The following ATP11C variants were observed in gnomAD, a reference collection of about 807,000 sequenced individuals.
The protein encoded by ATP11C is phospholipid-transporting ATPase IG.
ATP11C carries 36 observed loss-of-function variants against 97.4 expected under a neutral mutation model. That is an observed-to-expected ratio of 0.37 (90% CI 0.28 to 0.49). The LOEUF (loss-of-function observed/expected upper bound fraction) is 0.49. Ranked by LOEUF, ATP11C falls within the 20% of genes least tolerant of loss-of-function variation. The pLI is 0.98. For missense variants in ATP11C, 730 were observed against 824.6 expected (o/e 0.89, Z 1.40); for synonymous variants, 275 against 290.9 (o/e 0.95, Z 0.56).
rs138300688 is a variant in ATP11C at position 139,814,899 on chromosome X, T to C, written c.405A>G (p.Arg135=). 1.4e-3 allele frequency: 1,669 copies of C among 1,176,000 alleles called. 2 individuals are homozygous for C. The highest frequency in any genetic ancestry group is 1.8e-3 in the Non-Finnish European group (1,560 of 878,934). ...VYIIENAKRV[R]KESEKIKVGD... Reference sequence around the variant, plus strand: ...ATACCTTGATTTTTTCACTTTCTTTTCTCACTCGCTTTGCATTTTCAATAA... The same window carrying C: ...ATACCTTGATTTTTTCACTTTCTTTCCTCACTCGCTTTGCATTTTCAATAA... Residue 135 remains arginine (R), a synonymous_variant, in exon 5 of 30, where the codon AGA becomes AGG. Transcript: ENST00000682941.
intron 13 of ATP11C, 120 bp from the exon 14 acceptor site, chrX:139,788,463 G>A (rs997855022): frequency 1.2e-4 from 74 of 624,758 alleles, no homozygotes; most frequent in Non-Finnish European, 1.8e-4. Context: ...AAACTTAGTA[G>A]CAGATACGTA....
At chrX:139,886,982 C>T (rs899603640) in intron 1 of ATP11C, among the ~76,000 whole-genome samples, 1 of 110,865 alleles carries the variant, frequency 9.0e-6, no homozygotes, top group Non-Finnish European at 1.9e-5. Flanking sequence ...TTCTAGACAG[C>T]GTAGGCAAAA....
At chrX:139,928,003 T>C (rs772031496) in intron 1 of ATP11C, among the ~76,000 whole-genome samples, 3 of 111,888 alleles carry the variant, frequency 2.7e-5, no homozygotes, top group Non-Finnish European at 5.6e-5. Flanking sequence ...TGCTAGGAGC[T>C]AAGAACACAC....
intron 8 of ATP11C, 27 bp from the exon 9 acceptor site, chrX:139,798,770 C>T (rs756066739): frequency 8.8e-7 from 1 of 1,133,952 alleles, no homozygotes; most frequent in East Asian, 3.0e-5. Context: ...CACAGCTTAT[C>T]CAAACAAGCC....
chrX:139,817,335 G>A (rs574067635), intron 3 of ATP11C, among the ~76,000 whole-genome samples: 4 of 112,523 alleles, frequency 3.6e-5, no homozygotes, highest in African/African-American at 1.3e-4. Flanking sequence ...AGTAAAACAA[G>A]TGTGTAGATG....
chrX:139,891,075 T>C (rs1452304447), intron 1 of ATP11C, among the ~76,000 whole-genome samples: 1 of 109,797 alleles, frequency 9.1e-6, no homozygotes, highest in Non-Finnish European at 1.9e-5. Context: ...TCATGAGTTA[T>C]GCCAAGAAGT....
intron 1 of ATP11C, among the ~76,000 whole-genome samples, chrX:139,895,178 T>C (rs1394572696): frequency 8.8e-6 from 1 of 113,010 alleles, no homozygotes; most frequent in East Asian, 2.8e-4. Flanking sequence ...TTTTTTGGCA[T>C]TTCGCTCAAA....
intron 29 of ATP11C, among the ~76,000 whole-genome samples, chrX:139,730,880 G>A (rs1402105591): frequency 9.0e-6 from 1 of 111,279 alleles, no homozygotes; most frequent in Non-Finnish European, 1.9e-5. Flanking sequence ...GTCATTCTGA[G>A]TTCAAGGGGC....
At chrX:139,842,752 C>T (rs2083854204) in intron 1 of ATP11C, among the ~76,000 whole-genome samples, 2 of 112,056 alleles carry the variant, frequency 1.8e-5, no homozygotes, top group South Asian at 3.8e-4. Flanking sequence ...ATCTAGAATA[C>T]GATCAAATTA....
At chrX:139,923,809 T>C (rs1486734508) in intron 1 of ATP11C, among the ~76,000 whole-genome samples, 2 of 111,570 alleles carry the variant, frequency 1.8e-5, no homozygotes, top group Non-Finnish European at 3.8e-5. Context: ...ATAACAAATT[T>C]GTTAATTTTC....
chrX:139,810,227 G>A (rs945788982), intron 5 of ATP11C, among the ~76,000 whole-genome samples: 1 of 111,600 alleles, frequency 9.0e-6, no homozygotes, highest in Admixed American at 9.5e-5. Context: ...TTGGGAGGCC[G>A]GGGTGGATGG....
In ATP11C at chrX:139,869,621, A is replaced by T. The variant is rs867415821; in HGVS notation, c.28-42798T>A. Among the ~76,000 whole-genome samples, 3 of 35,500 alleles carry T rather than the reference A, an allele frequency of 8.5e-5. No homozygotes were observed. The African/African-American group carries it at 1.8e-3, about 21-fold the overall frequency. 30.8% of individuals were successfully genotyped at this position (35,500 alleles called of 115,157 possible). ...ATGTGGCAAAACCCCCTCTCTACTA[A>T]AAAAAAAAAAAAAAAAAAAAAAATT... On this transcript the variant is annotated intron_variant, in intron 1 of 29. Coordinates refer to ENST00000682941, the MANE Select transcript of ATP11C (RefSeq NM_001353812.2).
intron 1 of ATP11C, chrX:139,924,216 C>T (rs1195723111): frequency 2.6e-6 from 1 of 382,123 alleles, no homozygotes; most frequent in Non-Finnish European, 5.3e-6. Flanking sequence ...TTCCTGGCTC[C>T]CCCACTGGGT....
intron 2 of ATP11C, among the ~76,000 whole-genome samples, chrX:139,823,448 TGA>T (rs1158681162): frequency 3.6e-5 from 4 of 112,155 alleles, no homozygotes; most frequent in Non-Finnish European, 7.5e-5. Flanking sequence ...ATCTCAGCTT[TGA>T]GAGTCAATTA....
intron 1 of ATP11C, among the ~76,000 whole-genome samples, chrX:139,857,178 C>T (rs1299577049): frequency 9.0e-6 from 1 of 111,626 alleles, no homozygotes; most frequent in Admixed American, 9.5e-5. Context: ...GATGCAGAGG[C>T]TCATAAAAAT....
chrX:139,792,650 T>C (rs887268542), intron 12 of ATP11C, among the ~76,000 whole-genome samples: 3 of 110,846 alleles, frequency 2.7e-5, no homozygotes, highest in African/African-American at 9.8e-5. Flanking sequence ...GCTTGGTGTG[T>C]CAGGAAAAAA....
intron 27 of ATP11C, 62 bp from the exon 28 acceptor site, chrX:139,738,131 A>AT: frequency 1.0e-6 from 1 of 953,028 alleles, no homozygotes; most frequent in Non-Finnish European, 1.4e-6. Flanking sequence ...TGAAATGGAC[A>AT]TTTAATTAAA....
chrX:139,786,791 C>T (rs1172560640), intron 15 of ATP11C, among the ~76,000 whole-genome samples: 1 of 112,425 alleles, frequency 8.9e-6, no homozygotes, highest in Non-Finnish European at 1.9e-5. Flanking sequence ...GCAAAGCTGC[C>T]TTTATTGCCT....
At chrX:139,903,559 T>C (rs1364059850) in intron 1 of ATP11C, among the ~76,000 whole-genome samples, 4 of 108,567 alleles carry the variant, frequency 3.7e-5, no homozygotes, top group Non-Finnish European at 7.6e-5. Flanking sequence ...ATGTGTCTCT[T>C]CAACTGTATC....
Sources: allele counts gnomAD v4.1 joint callset (sites outside exome capture counted in the v4.1 genomes callset), GRCh38; gene constraint gnomAD v4.1.1; transcripts MANE v1.5; gene names NCBI Gene and HGNC (gene_info 2026-07-23, HGNC 2026-07-21).